The following PIK3R3 variants were observed in gnomAD, a reference collection of about 807,000 sequenced individuals.
The protein encoded by PIK3R3 is phosphatidylinositol 3-kinase regulatory subunit gamma.
In PIK3R3, 64 loss-of-function variants were observed where a neutral mutation model predicts 62.9. That is an observed-to-expected ratio of 1.02 (90% confidence interval 0.83 to 1.25). The LOEUF (loss-of-function observed/expected upper bound fraction) is 1.25. PIK3R3 is among the 50% of genes most tolerant of loss of function. PIK3R3 has a pLI of 0.00. For synonymous variants in PIK3R3, 165 were observed against 189.0 expected, an observed-to-expected ratio of 0.87 and a Z score of 1.04; for missense variants, 614 against 561.6, an observed-to-expected ratio of 1.09 and a Z score of -0.94.
chr1:46,151,515 G>C, the PIK3R3 span, among the ~76,000 whole-genome samples: 1 of 152,172 alleles, frequency 6.6e-6, no homozygotes, highest in Non-Finnish European at 1.5e-5. Flanking sequence ...AGGCCAAGGT[G>C]GGAGGGTCAC....
In PIK3R3 at chr1:46,066,994, TA is replaced by T; in HGVS notation, c.411del (p.Asn138ThrfsTer17). 6.2e-7 allele frequency: 1 copy of T among 1,609,276 alleles called. No homozygotes were observed. Among genetic ancestry groups the T allele is most frequent in the Non-Finnish European group, 8.5e-7 (1 of 1,177,750 alleles). On this transcript the variant is annotated frameshift_variant, in exon 4 of 10. Transcript: ENST00000262741. LOFTEE classifies it high-confidence loss of function. ...PLTFNSVVEL[I>X]NHYHHESLAQ... ...GCAAGAGATTCATGGTGATAGTGGT[TA>T]ATGAGCTCCACCACGGAATTAAATG...
At chr1:46,108,926 A>G (rs990574164) in intron 1 of PIK3R3, among the ~76,000 whole-genome samples, 4 of 152,164 alleles carry the variant, frequency 2.6e-5, no homozygotes, top group African/African-American at 9.7e-5. Flanking sequence ...TTGGGAGGCC[A>G]AGGCGGGCGG....
chr1:46,101,980 CTTTTT>C (rs538688681), intron 1 of PIK3R3, among the ~76,000 whole-genome samples: 3 of 89,930 alleles, frequency 3.3e-5, no homozygotes, highest in Admixed American at 1.6e-4. Context: ...GAATTGTATA[CTTTTT>C]TTTTTTTTTT....
intron 7 of PIK3R3, among the ~76,000 whole-genome samples, chr1:46,054,844 A>G (rs189474306): frequency 3.3e-5 from 5 of 152,290 alleles, no homozygotes; most frequent in African/African-American, 9.6e-5. Flanking sequence ...AGGTTTCACT[A>G]CTCAAATTAC....
chr1:46,069,926 G>T (rs1649337474), intron 3 of PIK3R3, among the ~76,000 whole-genome samples: 1 of 152,188 alleles, frequency 6.6e-6, no homozygotes, highest in Non-Finnish European at 1.5e-5. Context: ...ATGATAATTA[G>T]GTTTGGCAAA....
At chr1:46,078,264 G>A (rs1343590192) in intron 2 of PIK3R3, among the ~76,000 whole-genome samples, 1 of 152,212 alleles carries the variant, frequency 6.6e-6, no homozygotes, top group South Asian at 2.1e-4. Flanking sequence ...ATGGCTGGGT[G>A]CAGTGGCTCA....
chr1:46,092,793 T>G (rs1651762122), intron 1 of PIK3R3, among the ~76,000 whole-genome samples: 1 of 133,356 alleles, frequency 7.5e-6, no homozygotes, highest in Admixed American at 7.9e-5. Flanking sequence ...ACTTAGTACT[T>G]TCTTTCTATC....
intron 1 of PIK3R3, among the ~76,000 whole-genome samples, chr1:46,122,515 G>T (rs574110068): frequency 6.6e-6 from 1 of 152,008 alleles, no homozygotes; most frequent in Non-Finnish European, 1.5e-5. Flanking sequence ...GACTACAGGC[G>T]CGCCACCACG....
chr1:46,144,577 C>T, the PIK3R3 span, among the ~76,000 whole-genome samples: 1,496 of 152,168 alleles, frequency 9.8e-3, 21 homozygotes, highest in African/African-American at 0.034. Context: ...AGACCATCCT[C>T]GCCATCGTGG....
intron 1 of PIK3R3, among the ~76,000 whole-genome samples, chr1:46,127,907 T>C (rs1655237201): frequency 6.6e-6 from 1 of 152,208 alleles, no homozygotes; most frequent in African/African-American, 2.4e-5. Flanking sequence ...TCAGTATATC[T>C]ACTGCTGCCA....
At chr1:46,134,467 C>T (rs1333365745), upstream of PIK3R3, 2 of 152,120 alleles carry the variant, frequency 1.3e-5, no homozygotes, top group Non-Finnish European at 2.9e-5. Flanking sequence ...TTCTGAAATC[C>T]AAATATGATT....
At chr1:46,140,744 C>T in the PIK3R3 span, among the ~76,000 whole-genome samples, 1 of 152,256 alleles carries the variant, frequency 6.6e-6, no homozygotes, top group Non-Finnish European at 1.5e-5. Context: ...CCTTCAGAGC[C>T]TCAGAAGAAA....
At chr1:46,150,009 A>C in the PIK3R3 span, among the ~76,000 whole-genome samples, 1 of 152,202 alleles carries the variant, frequency 6.6e-6, no homozygotes, top group African/African-American at 2.4e-5. Flanking sequence ...TACTTTCTTA[A>C]TAAAGTAAGA....
intron 1 of PIK3R3, among the ~76,000 whole-genome samples, chr1:46,128,732 A>G (rs556523212): frequency 6.6e-6 from 1 of 152,344 alleles, no homozygotes; most frequent in Admixed American, 6.5e-5. Flanking sequence ...AGAAGCATAC[A>G]TAAATAGTAC....
intron 1 of PIK3R3, among the ~76,000 whole-genome samples, chr1:46,121,446 C>A (rs1654666520): frequency 6.6e-6 from 1 of 152,042 alleles, no homozygotes; most frequent in Non-Finnish European, 1.5e-5. Context: ...TTTTTCAGAG[C>A]AATTTTCATT....
Position 46,092,824 on chromosome 1 carries a change from C to G in PIK3R3, c.107-12074G>C, listed in dbSNP as rs541304127. On this transcript the variant is annotated intron_variant, in intron 1 of 9. Transcript: ENST00000262741. Reference sequence around the variant, plus strand: ...CTATCCCATACTGGTCTTCATTTCTCTCTCTCTCAACTAATACTATCATCT... The same window carrying G: ...CTATCCCATACTGGTCTTCATTTCTGTCTCTCTCAACTAATACTATCATCT... Among the ~76,000 whole-genome samples, 11 of 151,832 alleles carry G rather than the reference C, an allele frequency of 7.2e-5. No individual in the cohort carries two copies. In the East Asian group the frequency reaches 1.5e-3, roughly 21 times the overall value.
At chr1:46,096,319 G>A (rs1652118522) in intron 1 of PIK3R3, among the ~76,000 whole-genome samples, 1 of 152,198 alleles carries the variant, frequency 6.6e-6, no homozygotes, top group African/African-American at 2.4e-5. Flanking sequence ...TAACCTAGCA[G>A]TGTAACTTTG....
At chr1:46,131,229 A>G (rs911837936) in intron 1 of PIK3R3, among the ~76,000 whole-genome samples, 1 of 152,232 alleles carries the variant, frequency 6.6e-6, no homozygotes, top group East Asian at 1.9e-4. Context: ...CTGAGCGACT[A>G]TCTTCTGAGA....
In PIK3R3 at chr1:46,129,008, T is replaced by C. The variant is rs1047030274; in HGVS notation, c.106+2839A>G. ...ATCACTTGAACTCAGGAGGCGGAGA[T>C]TGCAGTGAGCCAAGATGGCGCCACT... On this transcript the variant is annotated intron_variant, in intron 1 of 9. Transcript: ENST00000262741. Among the ~76,000 whole-genome samples, 13 of 151,750 alleles carry C rather than the reference T, an allele frequency of 8.6e-5. No homozygotes were observed. The South Asian group carries it at 2.1e-3, about 24-fold the overall frequency.
Sources: gnomAD v4.1 joint callset for allele counts (sites outside exome capture counted in the v4.1 genomes callset) on GRCh38, gnomAD v4.1.1 for gene constraint, MANE v1.5 for transcripts, NCBI Gene and HGNC (gene_info 2026-07-23, HGNC 2026-07-21) for gene names.